ZNF891: variants seen among roughly 807,000 people sequenced by gnomAD.
ZNF891 encodes hCG1646157.
For missense variants in ZNF891, 589 were observed against 632.7 expected, an observed-to-expected ratio of 0.93 and a Z score of 0.74; for synonymous variants, 199 against 209.0, an observed-to-expected ratio of 0.95 and a Z score of 0.41.
intron 1 of ZNF891, among the ~76,000 whole-genome samples, chr12:133,126,611 G>A (rs994843818): frequency 1.3e-5 from 2 of 148,156 alleles, no homozygotes; most frequent in Non-Finnish European, 3.0e-5. Flanking sequence ...AGAATTCTAA[G>A]ACCAGCCTGG....
At chr12:133,125,091 T>C (rs1955802018) in intron 1 of ZNF891, among the ~76,000 whole-genome samples, 1 of 152,152 alleles carries the variant, frequency 6.6e-6, no homozygotes, top group African/African-American at 2.4e-5. Context: ...GTATAAACAT[T>C]ATCTGGACCA....
rs1407974286 is a variant in ZNF891, at chr12:133,110,445, T to C, written c.*9839A>G. The C allele has an allele frequency of 6.6e-6, 1 of 152,160 alleles. No individual in the cohort carries two copies. The highest frequency in any genetic ancestry group is 2.4e-5 in the African/African-American group (1 of 41,430). The allele number at this position is 152,160 out of a possible 1,614,324, so 9.4% of individuals were successfully genotyped here. On this transcript the variant is annotated 3_prime_UTR_variant, in exon 2 of 2. Transcript: ENST00000537226. ...AATCTTCAGCATTGGAAAAAGAAGT[T>C]ACTATGAATGCAGAAAGGCGACAGA...
rs1955749571 is a variant in ZNF891 at position 133,120,819 on chromosome 12, A to C, written c.1100T>G (p.Val367Gly). The change falls in exon 2 of 2, where the codon GTA becomes GGA. Residue 367 changes from valine to glycine, a missense_variant. Coordinates refer to ENST00000537226, the MANE Select transcript of ZNF891 (RefSeq NM_001277291.2). ...GGGTTTCTCTCCAGTGTGAGTTCTT[A>C]CATGTCTCCTTAAGGTTGAGGAATC... The part of the protein sequence containing the change: ...FNDSSTLRRH[V>G]RTHTGEKPYE... 6.4e-7 allele frequency: 1 copy of C among 1,565,140 alleles called. No homozygotes were observed. Among genetic ancestry groups the C allele is most frequent in the Non-Finnish European group, 8.6e-7 (1 of 1,156,572 alleles).
intron 1 of ZNF891, among the ~76,000 whole-genome samples, chr12:133,123,441 T>C (rs969525354): frequency 5.3e-5 from 8 of 152,162 alleles, no homozygotes; most frequent in African/African-American, 9.7e-5. Flanking sequence ...GTTAGGCTTC[T>C]GGGTTGGGTA....
chr12:133,121,772 A>C lies in ZNF891; in HGVS notation c.147T>G (p.Ala49=). ...LQEPMTFKDV[A]VEFTQEEWMM... ...TCCACTCCTCCTGAGTGAACTCCAC[A>C]GCTACATCTTTGAAAGTCATTGGTT... The change falls in exon 2 of 2, where the codon GCT becomes GCG. Residue 49 remains alanine, a synonymous_variant. Coordinates refer to ENST00000537226, the MANE Select transcript of ZNF891 (RefSeq NM_001277291.2). 6.5e-7 allele frequency: 1 copy of C among 1,536,964 alleles called. No individual in the cohort carries two copies. The highest frequency in any genetic ancestry group is 8.7e-7 in the Non-Finnish European group (1 of 1,147,006).
Position 133,106,617 on chromosome 12 carries a change from T to G in ZNF891, c.*13667A>C. The stretch of plus-strand genomic sequence containing the variant: ...AACCCCTATGAATATGAAAATTCAT[T>G]TAATTACCACTCATTCCTTACTGAA... On this transcript the variant is annotated 3_prime_UTR_variant, in exon 2 of 2. Transcript: ENST00000537226. 1 of 1,604,032 alleles carries G rather than the reference T, an allele frequency of 6.2e-7. No homozygotes were observed. The highest frequency in any genetic ancestry group is 8.5e-7 in the Non-Finnish European group (1 of 1,176,928).
Position 133,108,231 on chromosome 12 carries a change from ATGGGTATTTAATAT to A in ZNF891, c.*12039_*12052del, listed in dbSNP as rs1955652801. The A allele has an allele frequency of 1.4e-5, 2 of 148,104 alleles. No individual in the cohort carries two copies. The highest frequency in any genetic ancestry group is 5.3e-5 in the African/African-American group (2 of 37,824). 9.2% of individuals were successfully genotyped at this position (148,104 alleles called of 1,614,324 possible). On this transcript the variant is annotated 3_prime_UTR_variant, in exon 2 of 2. Transcript: ENST00000537226. ...TCTCAAGCAGCATGCCTTATTACATATGGGTATTTAATATCTGATTTGGTGTCCTCAAGCAGCAT... is the reference window on the plus strand; with the variant it reads ...TCTCAAGCAGCATGCCTTATTACATACTGATTTGGTGTCCTCAAGCAGCAT...
Position 133,106,775 on chromosome 12 carries a change from C to T in ZNF891, c.*13509G>A, listed in dbSNP as rs896873457. ...AGTGATGACTGTGAAGTAATATGGC[C>T]CACACTTTATTCACCACCCTGGAGA... On this transcript the variant is annotated 3_prime_UTR_variant, in exon 2 of 2. Coordinates refer to ENST00000537226, the MANE Select transcript of ZNF891 (RefSeq NM_001277291.2). 9.2e-6 allele frequency: 8 copies of T among 865,388 alleles called. No homozygotes were observed. The African/African-American group carries it at 1.4e-4, about 15-fold the overall frequency. 53.6% of individuals were successfully genotyped at this position (865,388 alleles called of 1,614,324 possible). A position where few individuals can be genotyped will look rare whatever the true frequency, so the allele number is the denominator to read the frequency against.
At position 133,107,506 on chromosome 12, in the gene ZNF891, T is replaced by C. The variant is rs1466115286; in HGVS notation, c.*12778A>G. On this transcript the variant is annotated 3_prime_UTR_variant, in exon 2 of 2. Coordinates refer to ENST00000537226, the MANE Select transcript of ZNF891 (RefSeq NM_001277291.2). ...CAATATTGACATAAAAAATAAACAGTAGTTTTTCTTGTTGAAACATACAAA... is the reference window on the plus strand; with the variant it reads ...CAATATTGACATAAAAAATAAACAGCAGTTTTTCTTGTTGAAACATACAAA... 6.6e-6 allele frequency: 1 copy of C among 151,516 alleles called. No individual in the cohort carries two copies. The highest frequency in any genetic ancestry group is 2.4e-5 in the African/African-American group (1 of 41,436). The allele number at this position is 151,516 out of a possible 1,614,324, so 9.4% of individuals were successfully genotyped here.
chr12:133,124,444 A>G (rs1955794728), intron 1 of ZNF891, among the ~76,000 whole-genome samples: 2 of 152,116 alleles, frequency 1.3e-5, no homozygotes, highest in African/African-American at 2.4e-5. Context: ...AGAAGGATAT[A>G]TAAGTCCTTG....
chr12:133,127,613 C>A (rs1198101059), intron 1 of ZNF891, among the ~76,000 whole-genome samples: 1 of 152,118 alleles, frequency 6.6e-6, no homozygotes, highest in Non-Finnish European at 1.5e-5. Context: ...TCATATGGAC[C>A]CTTTCTTCAA....
rs757376078 is a variant in ZNF891, at chr12:133,120,870, C to T, written c.1049G>A (p.Cys350Tyr). Residue 350 changes from cysteine to tyrosine, a missense_variant, in exon 2 of 2, where the codon TGT becomes TAT. Physicochemically the swap from Cys to Tyr is radical, Grantham distance 194 (BLOSUM62 -2). Coordinates refer to ENST00000537226, the MANE Select transcript of ZNF891 (RefSeq NM_001277291.2). ...ATTGAACACTTTACCACATTCTTTA[C>T]ATTCATATTGTTTCTCACCCATGTG... ...KSHMGEKQYE[C>Y]KECGKVFNDS... is the part of the protein sequence containing the mutation. 14 of 1,543,360 alleles carry T rather than the reference C, an allele frequency of 9.1e-6. No individual in the cohort carries two copies. Among genetic ancestry groups the T allele is most frequent in the Admixed American group, 3.9e-5 (2 of 51,046 alleles).
Position 133,107,552 on chromosome 12 carries a change from T to A in ZNF891, c.*12732A>T, listed in dbSNP as rs1357655839. ...ACAAACATAACAAAGTGTTTTTAGG[T>A]GTTTTATGATTTTAACTTTCAGACA... is the stretch of plus-strand genomic sequence containing the variant. On this transcript the variant is annotated 3_prime_UTR_variant, in exon 2 of 2. Transcript: ENST00000537226. 1.3e-5 allele frequency: 2 copies of A among 152,156 alleles called. No homozygotes were observed. Among genetic ancestry groups the A allele is most frequent in the Non-Finnish European group, 2.9e-5 (2 of 68,016 alleles). The allele number at this position is 152,156 out of a possible 1,614,324, so 9.4% of individuals were successfully genotyped here.
Position 133,106,865 on chromosome 12 carries a change from A to AATGCATGCATCTATAATCCAAGCTACTC in ZNF891, c.*13418_*13419insGAGTAGCTTGGATTATAGATGCATGCAT. On this transcript the variant is annotated 3_prime_UTR_variant, in exon 2 of 2. Coordinates refer to ENST00000537226, the MANE Select transcript of ZNF891 (RefSeq NM_001277291.2). ...CACTCTTTTATTTTTTTGCAATAAC[A>AATGCATGCATCTATAATCCAAGCTACTC]AGGTGAAATCAATATTGTTGAGAAG... is the stretch of plus-strand genomic sequence containing the variant. 2.4e-6 allele frequency: 1 copy of AATGCATGCATCTATAATCCAAGCTACTC among 416,524 alleles called. No homozygotes were observed. The highest frequency in any genetic ancestry group is 4.2e-6 in the Non-Finnish European group (1 of 235,588). The allele number at this position is 416,524 out of a possible 1,614,324, so 25.8% of individuals were successfully genotyped here.
rs774877650 is a variant in ZNF891, at chr12:133,120,114, C to A, written c.*170G>T. Reference sequence around the variant, plus strand: ...CCTCACATATTAAAAATACCTAATTCTAAACAGCCATGGATCAAAAAAAGT... The same window carrying A: ...CCTCACATATTAAAAATACCTAATTATAAACAGCCATGGATCAAAAAAAGT... On this transcript the variant is annotated 3_prime_UTR_variant, in exon 2 of 2. Transcript: ENST00000537226. 2 of 507,002 alleles carry A rather than the reference C, an allele frequency of 3.9e-6. No homozygotes were observed. Among genetic ancestry groups the A allele is most frequent in the Non-Finnish European group, 6.8e-6 (2 of 295,772 alleles). 31.4% of individuals were successfully genotyped at this position (507,002 alleles called of 1,614,324 possible).
Position 133,106,805 on chromosome 12 carries a change from A to G in ZNF891, c.*13479T>C, listed in dbSNP as rs898714796. 15 of 603,098 alleles carry G rather than the reference A, an allele frequency of 2.5e-5. No individual in the cohort carries two copies. The highest frequency in any genetic ancestry group is 3.9e-5 in the Non-Finnish European group (15 of 387,632). 37.4% of individuals were successfully genotyped at this position (603,098 alleles called of 1,614,324 possible). On this transcript the variant is annotated 3_prime_UTR_variant, in exon 2 of 2. Transcript: ENST00000537226. ...CTTTATTCACCACCCTGGAGAAAAA[A>G]AAACCCAGGAATATGTGGAAAAGCC...
Position 133,111,585 on chromosome 12 carries a change from T to C in ZNF891, c.*8699A>G, listed in dbSNP as rs995196687. 1.3e-5 allele frequency: 2 copies of C among 152,072 alleles called. No individual in the cohort carries two copies. The highest frequency in any genetic ancestry group is 2.1e-4 in the South Asian group (1 of 4,828). 9.4% of individuals were successfully genotyped at this position (152,072 alleles called of 1,614,324 possible). On this transcript the variant is annotated 3_prime_UTR_variant, in exon 2 of 2. Transcript: ENST00000537226. ...ACCCTCAATATCACAAAGGACAAAATTGCATGGAAAAAAATGGATATTGCA... is the reference window on the plus strand; with the variant it reads ...ACCCTCAATATCACAAAGGACAAAACTGCATGGAAAAAAATGGATATTGCA...
Position 133,121,677 on chromosome 12 carries a change from G to T in ZNF891, c.242C>A (p.Ser81Tyr). 1 of 1,536,376 alleles carries T rather than the reference G, an allele frequency of 6.5e-7. No individual in the cohort carries two copies. Among genetic ancestry groups the T allele is most frequent in the Non-Finnish European group, 8.7e-7 (1 of 1,146,904 alleles). ...AAGCCTGTACAACTGATATTCCACG[G>T]AGGTGAGATTTCTATAGTTTTCCAA... ...VMLENYRNLT[S>Y]VEYQLYRLTV... The change falls in exon 2 of 2, where the codon TCC becomes TAC. Residue 81 changes from serine to tyrosine, a missense_variant. By Grantham distance (144) the Ser-to-Tyr change is moderately radical. Coordinates refer to ENST00000537226, the MANE Select transcript of ZNF891 (RefSeq NM_001277291.2).
rs1424163689 is a variant in ZNF891, at chr12:133,105,171, GA to G, written c.*15112del. On this transcript the variant is annotated 3_prime_UTR_variant, in exon 2 of 2. Coordinates refer to ENST00000537226, the MANE Select transcript of ZNF891 (RefSeq NM_001277291.2). ...ACTTAGTGTTTAGTAGCAGCATTAT[GA>G]AATTGCCATTTTTAGATAATTCTGG... Among the ~76,000 whole-genome samples, 1 of 152,174 alleles carries G rather than the reference GA, an allele frequency of 6.6e-6. No individual in the cohort carries two copies. Among genetic ancestry groups the G allele is most frequent in the African/African-American group, 2.4e-5 (1 of 41,440 alleles).
Sources: allele counts gnomAD v4.1 joint callset (sites outside exome capture counted in the v4.1 genomes callset), GRCh38; gene constraint gnomAD v4.1.1; transcripts MANE v1.5; gene names NCBI Gene and HGNC (gene_info 2026-07-23, HGNC 2026-07-21).